NALCN: variants seen among roughly 807,000 people sequenced by gnomAD.
The protein encoded by NALCN is sodium leak channel NALCN.
A neutral mutation model predicts 225.3 loss-of-function variants in NALCN; 111 were observed. The ratio of observed to expected loss-of-function variants is 0.49; its 90% CI spans 0.42 to 0.58. NALCN has a LOEUF of 0.58. NALCN is among the 20% of genes least tolerant of loss of function. The pLI is 0.00. For missense variants in NALCN, 1,378 were observed against 2,202.4 expected, an observed-to-expected ratio of 0.63 and a Z score of 7.49; for synonymous variants, 764 against 769.0, an observed-to-expected ratio of 0.99 and a Z score of 0.11.
chr13:101,105,032 A>C (rs2139618270), intron 22 of NALCN, 82 bp from the exon 23 acceptor site: 1,962 of 1,196,218 alleles, frequency 1.6e-3, no homozygotes, highest in Non-Finnish European at 2.2e-3. Context: ...CAAACATCTC[A>C]TCTACCTAAA....
chr13:101,413,177 C>T (rs1292993498), intron 1 of NALCN, among the ~76,000 whole-genome samples: 1 of 152,090 alleles, frequency 6.6e-6, no homozygotes, highest in East Asian at 1.9e-4. Context: ...TTTAGGAAAT[C>T]AATTTAAAGA....
intron 13 of NALCN, among the ~76,000 whole-genome samples, chr13:101,198,525 C>A (rs1043399678): frequency 1.3e-5 from 2 of 152,122 alleles, no homozygotes; most frequent in Non-Finnish European, 2.9e-5. Context: ...ATGCAGCCAA[C>A]AGACACATGA....
Position 101,111,357 on chromosome 13 carries a change from A to G in NALCN, c.2193-131T>C, listed in dbSNP as rs578124618. 7.6e-6 allele frequency: 5 copies of G among 660,504 alleles called. No homozygotes were observed. In the East Asian group the frequency reaches 1.4e-4, roughly 19 times the overall value. The allele number at this position is 660,504 out of a possible 1,614,324, so 40.9% of individuals were successfully genotyped here. Reference sequence around the variant, plus strand: ...AAACACAAAATACAGCAAATAACGTATAATTATAAAGGAAAATGAACTTTA... The same window carrying G: ...AAACACAAAATACAGCAAATAACGTGTAATTATAAAGGAAAATGAACTTTA... On this transcript the variant is annotated intron_variant, in intron 18 of 43. Transcript: ENST00000251127.
In NALCN at chr13:101,389,268, G is replaced by C. The variant is rs181987741; in HGVS notation, c.291+5915C>G. On this transcript the variant is annotated intron_variant, in intron 3 of 43. Coordinates refer to ENST00000251127, the MANE Select transcript of NALCN (RefSeq NM_052867.4). ...CACTAATAAATACGTGTGGAATGCT[G>C]AGCAGATATCTCAGAAGGTGAACCT... Among the ~76,000 whole-genome samples the C allele has an allele frequency of 4.5e-3, 683 of 152,282 alleles. 8 individuals carry two copies. Among genetic ancestry groups the C allele is most frequent in the African/African-American group, 0.016 (650 of 41,566 alleles).
chr13:101,161,886 C>A (rs934118736), intron 15 of NALCN, among the ~76,000 whole-genome samples: 2 of 151,574 alleles, frequency 1.3e-5, no homozygotes, highest in African/African-American at 2.4e-5. Flanking sequence ...AACAAACAAA[C>A]AAAAAACAAA....
At chr13:101,368,278 T>A (rs61973694) in intron 6 of NALCN, among the ~76,000 whole-genome samples, 31,845 of 151,436 alleles carry the variant, frequency 0.21, 3,506 homozygotes, top group Non-Finnish European at 0.24. Context: ...CTTGCGATAG[T>A]TTACTGAGAA....
At chr13:101,249,125 T>C (rs562470746) in intron 11 of NALCN, among the ~76,000 whole-genome samples, 65 of 152,104 alleles carry the variant, frequency 4.3e-4, no homozygotes, top group African/African-American at 1.4e-3. Flanking sequence ...AAATAAACAA[T>C]ATTGGCAGCA....
In NALCN at chr13:101,110,602, C is replaced by T. The variant is rs1319208878; in HGVS notation, c.2364+17G>A. 14 of 1,613,258 alleles carry T rather than the reference C, an allele frequency of 8.7e-6. No individual in the cohort carries two copies. Among genetic ancestry groups the T allele is most frequent in the Non-Finnish European group, 1.2e-5 (14 of 1,179,500 alleles). On this transcript the variant is annotated intron_variant, in intron 20 of 43. Transcript: ENST00000251127. ...ATAATCACGTTTCTGAAATCCAAAG[C>T]ATTGCTTAAAACTTACATCTTGAGT...
rs543303168 is a variant in NALCN at position 101,312,486 on chromosome 13, T to C, written c.800-20120A>G. On this transcript the variant is annotated intron_variant, in intron 7 of 43. Coordinates refer to ENST00000251127, the MANE Select transcript of NALCN (RefSeq NM_052867.4). ...AATTTTGGATCTTTCCTGCTTTCTC[T>C]TGTGGGCATTTAGTGCTATAAATTT... 6.6e-5 allele frequency among the ~76,000 whole-genome samples: 10 copies of C among 151,996 alleles called. No homozygotes were observed. The South Asian group carries it at 1.9e-3, about 29-fold the overall frequency.
At chr13:101,338,038 G>A (rs755444068) in intron 7 of NALCN, among the ~76,000 whole-genome samples, 16 of 152,304 alleles carry the variant, frequency 1.1e-4, no homozygotes, top group South Asian at 2.1e-4. Flanking sequence ...ATATGCAATC[G>A]ATAAATGATA....
At chr13:101,410,327 T>G (rs192316660) in intron 1 of NALCN, among the ~76,000 whole-genome samples, 333 of 152,330 alleles carry the variant, frequency 2.2e-3, no homozygotes, top group Middle Eastern at 6.8e-3. Flanking sequence ...CTAGCCTAGA[T>G]GCTCAGAAGA....
intron 15 of NALCN, among the ~76,000 whole-genome samples, chr13:101,160,351 TATC>T (rs2038119464): frequency 6.6e-6 from 1 of 152,144 alleles, no homozygotes; most frequent in African/African-American, 2.4e-5. Flanking sequence ...TATCTGCGCT[TATC>T]ATAAAGCAGA....
chr13:101,280,725 C>T (rs2043139456), intron 10 of NALCN, among the ~76,000 whole-genome samples: 1 of 152,100 alleles, frequency 6.6e-6, no homozygotes, highest in African/African-American at 2.4e-5. Flanking sequence ...GCCATTAGTC[C>T]TGGGTTCTCC....
chr13:101,080,996 T>C (rs892864772), intron 34 of NALCN, among the ~76,000 whole-genome samples: 2 of 152,034 alleles, frequency 1.3e-5, no homozygotes, highest in East Asian at 1.9e-4. Flanking sequence ...AACACAGATA[T>C]AGAGATGGAG....
intron 11 of NALCN, among the ~76,000 whole-genome samples, chr13:101,240,664 C>T (rs2041726265): frequency 1.3e-5 from 2 of 152,128 alleles, no homozygotes; most frequent in Admixed American, 6.5e-5. Flanking sequence ...CCATAACTTG[C>T]TCCTTGTTTT....
rs34387567 is a variant in NALCN, at chr13:101,182,133, CA to C, written c.1765-5760del. ...TGGGCAACAGAGCGAGACTCCATCTCAAAAAAAAAAAAAAAAAAAAAAAAGA... is the reference window on the plus strand; with the variant it reads ...TGGGCAACAGAGCGAGACTCCATCTCAAAAAAAAAAAAAAAAAAAAAAAGA... On this transcript the variant is annotated intron_variant, in intron 14 of 43. Transcript: ENST00000251127. Among the ~76,000 whole-genome samples, 337 of 73,362 alleles carry C rather than the reference CA, an allele frequency of 4.6e-3. 1 individual carries two copies. Among genetic ancestry groups the C allele is most frequent in the South Asian group, 0.032 (46 of 1,416 alleles). 48.1% of individuals were successfully genotyped at this position (73,362 alleles called of 152,430 possible).
At chr13:101,284,414 T>C (rs928516338) in intron 9 of NALCN, among the ~76,000 whole-genome samples, 1 of 152,156 alleles carries the variant, frequency 6.6e-6, no homozygotes, top group African/African-American at 2.4e-5. Flanking sequence ...TTACTATAGG[T>C]TGCAAATTTT....
intron 15 of NALCN, among the ~76,000 whole-genome samples, chr13:101,162,637 T>C (rs898522241): frequency 6.6e-6 from 1 of 152,244 alleles, no homozygotes; most frequent in African/African-American, 2.4e-5. Context: ...TGCTTTTCTC[T>C]TAGAACCATT....
intron 9 of NALCN, among the ~76,000 whole-genome samples, chr13:101,287,543 GTAT>G (rs2043384418): frequency 6.6e-6 from 1 of 152,262 alleles, no homozygotes; most frequent in Non-Finnish European, 1.5e-5. Context: ...CCACTTCACA[GTAT>G]TATTATGAAA....
Sources: allele counts gnomAD v4.1 joint callset (sites outside exome capture counted in the v4.1 genomes callset), GRCh38; gene constraint gnomAD v4.1.1; transcripts MANE v1.5; gene names NCBI Gene and HGNC (gene_info 2026-07-23, HGNC 2026-07-21).